Variants in PSMA1 observed in about 807,000 individuals in gnomAD.
The protein encoded by PSMA1 is proteasome 20S subunit alpha 1.
In PSMA1, 3 loss-of-function variants were observed where a neutral mutation model predicts 38.4. The ratio of observed to expected loss-of-function variants is 0.08; its 90% confidence interval spans 0.04 to 0.20. PSMA1 has a LOEUF of 0.20. Ranked by LOEUF, PSMA1 falls within the 10% of genes least tolerant of loss-of-function variation. PSMA1 has a pLI of 1.00. For missense variants in PSMA1, 227 were observed against 325.3 expected (o/e 0.70, Z 2.32); for synonymous variants, 101 against 107.1 (o/e 0.94, Z 0.35).
chr11:14,607,423 C>T (rs983017072), intron 2 of PSMA1, among the ~76,000 whole-genome samples: 1 of 152,174 alleles, frequency 6.6e-6, no homozygotes, highest in African/African-American at 2.4e-5. Flanking sequence ...TGGTACTGTC[C>T]AGGGTTGCTT....
At chr11:14,630,465 A>G (rs1044877061) in intron 1 of PSMA1, among the ~76,000 whole-genome samples, 1 of 152,162 alleles carries the variant, frequency 6.6e-6, no homozygotes, top group Admixed American at 6.5e-5. Flanking sequence ...GCTGGATTAC[A>G]TTTATTGATT....
chr11:14,608,368 A>T (rs1172041211), intron 2 of PSMA1, among the ~76,000 whole-genome samples: 1 of 151,522 alleles, frequency 6.6e-6, no homozygotes, highest in Non-Finnish European at 1.5e-5. Context: ...TATATATATA[A>T]AATGGACACA....
At chr11:14,519,450 C>T (rs539703148) in intron 1 of PSMA1, among the ~76,000 whole-genome samples, 16 of 152,286 alleles carry the variant, frequency 1.1e-4, no homozygotes, top group African/African-American at 3.8e-4. Flanking sequence ...CCTTTTCTTC[C>T]CAAATCCCCC....
intron 1 of PSMA1, among the ~76,000 whole-genome samples, chr11:14,624,508 T>C (rs1219501263): frequency 6.6e-6 from 1 of 152,112 alleles, no homozygotes; most frequent in African/African-American, 2.4e-5. Context: ...GGGCTCCCCA[T>C]ATGTGCAACT....
chr11:14,566,938 G>A (rs1467423441), intron 2 of PSMA1, among the ~76,000 whole-genome samples: 1 of 152,196 alleles, frequency 6.6e-6, no homozygotes. Context: ...ACCAGAACTG[G>A]GAGAATGGTG....
At chr11:14,609,015 T>C (rs142977104) in intron 2 of PSMA1, among the ~76,000 whole-genome samples, 2 of 152,274 alleles carry the variant, frequency 1.3e-5, no homozygotes, top group Non-Finnish European at 2.9e-5. Flanking sequence ...TGGTGTTCGT[T>C]TCCCTCAGTA....
intron 1 of PSMA1, among the ~76,000 whole-genome samples, chr11:14,641,724 T>C (rs948690197): frequency 6.6e-6 from 1 of 152,228 alleles, no homozygotes; most frequent in Admixed American, 6.5e-5. Flanking sequence ...AATCCCTTTA[T>C]TTTTACTTGT....
Position 14,550,163 on chromosome 11 carries a change from AT to A in PSMA1, c.22-31123del, listed in dbSNP as rs1381021576. On this transcript the variant is annotated intron_variant, in intron 2 of 10. Transcript: ENST00000418988. Reference sequence around the variant, plus strand: ...TGAACACAACTAGCTTATTATTATTATTTCAAGTTTACGTGAAAAAGCGTCC... The same window carrying A: ...TGAACACAACTAGCTTATTATTATTATTCAAGTTTACGTGAAAAAGCGTCC... Among the ~76,000 whole-genome samples the A allele has an allele frequency of 3.3e-5, 5 of 152,302 alleles. No individual in the cohort carries two copies. The East Asian group carries it at 9.6e-4, about 29-fold the overall frequency.
chr11:14,631,113 C>A (rs1025152190), intron 1 of PSMA1, among the ~76,000 whole-genome samples: 4 of 151,878 alleles, frequency 2.6e-5, no homozygotes, highest in African/African-American at 9.7e-5. Flanking sequence ...TTTCAAAAAA[C>A]CAGCTCCTGG....
At chr11:14,543,910 T>C (rs1367886825) in intron 2 of PSMA1, among the ~76,000 whole-genome samples, 1 of 152,260 alleles carries the variant, frequency 6.6e-6, no homozygotes, top group Non-Finnish European at 1.5e-5. Flanking sequence ...TCATTTAAAG[T>C]GTTCTTATGC....
chr11:14,535,532 C>T (rs1448718523), intron 2 of PSMA1, among the ~76,000 whole-genome samples: 1 of 151,730 alleles, frequency 6.6e-6, no homozygotes, highest in Non-Finnish European at 1.5e-5. Flanking sequence ...CAACCTCCGC[C>T]TCCAGGGTTC....
At chr11:14,570,247 A>G (rs184869102) in intron 2 of PSMA1, among the ~76,000 whole-genome samples, 139 of 152,362 alleles carry the variant, frequency 9.1e-4, no homozygotes, top group African/African-American at 3.1e-3. Context: ...ATAAAACCAC[A>G]AAGATGGGGA....
chr11:14,524,686 G>A (rs1437159245), upstream of PSMA1, among the ~76,000 whole-genome samples: 3 of 152,170 alleles, frequency 2.0e-5, no homozygotes, highest in East Asian at 3.9e-4. Flanking sequence ...ACACGGACAC[G>A]TAAGACATTT....
intron 1 of PSMA1, among the ~76,000 whole-genome samples, chr11:14,613,129 TTAA>T (rs1852729216): frequency 1.3e-5 from 2 of 152,042 alleles, no homozygotes; most frequent in Non-Finnish European, 2.9e-5. Flanking sequence ...TGTAATAAAG[TTAA>T]TAATGTAAAA....
At chr11:14,638,286 T>A (rs1853136000) in intron 1 of PSMA1, among the ~76,000 whole-genome samples, 1 of 152,102 alleles carries the variant, frequency 6.6e-6, no homozygotes, top group South Asian at 2.1e-4. Flanking sequence ...CGAAGTCACA[T>A]TATTTACTCC....
intron 1 of PSMA1, among the ~76,000 whole-genome samples, chr11:14,628,156 T>C (rs1430903934): frequency 2.0e-5 from 3 of 152,218 alleles, no homozygotes; most frequent in African/African-American, 7.2e-5. Context: ...TGATCTGAGA[T>C]GGAATAGTTT....
At chr11:14,584,731 C>T (rs1852323139) in intron 2 of PSMA1, among the ~76,000 whole-genome samples, 1 of 152,124 alleles carries the variant, frequency 6.6e-6, no homozygotes, top group African/African-American at 2.4e-5. Context: ...TGCTTTTAGT[C>T]CCGCAGTTTT....
intron 2 of PSMA1, among the ~76,000 whole-genome samples, chr11:14,561,222 G>A (rs889753100): frequency 2.0e-5 from 3 of 152,206 alleles, no homozygotes; most frequent in Non-Finnish European, 1.5e-5. Flanking sequence ...GATTGCATTT[G>A]CTCTCTTTAT....
At chr11:14,512,792 A>C (rs897193650) in intron 7 of PSMA1, among the ~76,000 whole-genome samples, 1 of 152,200 alleles carries the variant, frequency 6.6e-6, no homozygotes, top group Non-Finnish European at 1.5e-5. Context: ...TTTAAGTCCT[A>C]GCATATCTCC....
Sources: gnomAD v4.1 joint callset for allele counts (sites outside exome capture counted in the v4.1 genomes callset) on GRCh38, gnomAD v4.1.1 for gene constraint, MANE v1.5 for transcripts, NCBI Gene and HGNC (gene_info 2026-07-23, HGNC 2026-07-21) for gene names.